ZNF331: variants seen among roughly 807,000 people sequenced by gnomAD.
ZNF331 encodes zinc finger protein 331, also known as C2H2-like zinc finger protein rearranged in thyroid adenomas.
In ZNF331, 2 loss-of-function variants were observed where a neutral mutation model predicts 7.0. That is an observed-to-expected ratio of 0.29 (90% CI 0.12 to 0.90). The LOEUF (loss-of-function observed/expected upper bound fraction) is 0.90. Among genes scored for constraint, ZNF331 ranks in the 40% least tolerant of loss-of-function variants. The pLI, the probability that ZNF331 is intolerant of heterozygous loss-of-function variation, is 0.58. For missense variants in ZNF331, 432 were observed against 587.7 expected, an observed-to-expected ratio of 0.74 and a Z score of 2.74; for synonymous variants, 196 against 205.4, an observed-to-expected ratio of 0.95 and a Z score of 0.39.
In ZNF331 at chr19:53,539,706, A is replaced by G. The variant is rs1464830288; in HGVS notation, c.-138+424A>G. On this transcript the variant is annotated intron_variant, in intron 2 of 5. Transcript: ENST00000449416. The surrounding 1 kb of genome is among the most constrained non-coding windows in gnomAD (Gnocchi z 6.1). Reference sequence around the variant, plus strand: ...TGTATGTGATTATCAGTGTTAGTGTATCTGTCCCCCACCACCACCACCCTA... The same window carrying G: ...TGTATGTGATTATCAGTGTTAGTGTGTCTGTCCCCCACCACCACCACCCTA... Among the ~76,000 whole-genome samples the G allele has an allele frequency of 1.3e-5, 2 of 152,188 alleles. No individual in the cohort carries two copies. Among genetic ancestry groups the G allele is most frequent in the Admixed American group, 6.6e-5 (1 of 15,264 alleles).
intron 5 of ZNF331, among the ~76,000 whole-genome samples, chr19:53,574,366 C>T (rs2090604584): frequency 6.6e-6 from 1 of 152,130 alleles, no homozygotes; most frequent in Admixed American, 6.6e-5. Context: ...AGGGAACAGG[C>T]ACACCCTGAG....
In ZNF331 at chr19:53,579,037, G is replaced by A. The variant is rs1247874074; in HGVS notation, c.*1085G>A. The A allele has an allele frequency of 5.4e-6, 1 of 185,220 alleles. No individual in the cohort carries two copies. Among genetic ancestry groups the A allele is most frequent in the Non-Finnish European group, 1.1e-5 (1 of 87,514 alleles). The allele number at this position is 185,220 out of a possible 1,614,324, so 11.5% of individuals were successfully genotyped here. On this transcript the variant is annotated 3_prime_UTR_variant, in exon 6 of 6. Transcript: ENST00000449416. ...CTGGTCTCAACTCCTGACCTCAGGT[G>A]ATCCACCCACCTTGCCCTCCCAAAG...
chr19:53,555,494 C>G (rs1213313893), intron 2 of ZNF331: 1 of 152,486 alleles, frequency 6.6e-6, no homozygotes, highest in Non-Finnish European at 1.5e-5. Flanking sequence ...CCAAGCGGTA[C>G]CTGCCTGAGA....
In ZNF331 at chr19:53,578,195, T is replaced by G; in HGVS notation, c.*243T>G. On this transcript the variant is annotated 3_prime_UTR_variant, in exon 6 of 6. Coordinates refer to ENST00000449416, the MANE Select transcript of ZNF331 (RefSeq NM_001079906.2). ...TCCACGCTGTATACGCCACCCACCC[T>G]GCTAGTGACTTAGTAGCCGTCTTGG... is the stretch of plus-strand genomic sequence containing the variant. 2.1e-6 allele frequency: 1 copy of G among 469,652 alleles called. No homozygotes were observed. 29.1% of individuals were successfully genotyped at this position (469,652 alleles called of 1,614,324 possible). A position where few individuals can be genotyped will look rare whatever the true frequency, so the allele number is the denominator to read the frequency against.
chr19:53,567,049 C>T lies in ZNF331; in HGVS notation c.-73-2255C>T, dbSNP rs1377117200. Among the ~76,000 whole-genome samples, 3 of 152,030 alleles carry T rather than the reference C, an allele frequency of 2.0e-5. No homozygotes were observed. The East Asian group carries it at 5.8e-4, about 29-fold the overall frequency. ...ATTTTACAAATGTTATTGTGTCATTCTGTTTTGGTAACCTAACTTTACTGA... is the reference window on the plus strand; with the variant it reads ...ATTTTACAAATGTTATTGTGTCATTTTGTTTTGGTAACCTAACTTTACTGA... On this transcript the variant is annotated intron_variant, in intron 3 of 5. Transcript: ENST00000449416.
intron 2 of ZNF331, among the ~76,000 whole-genome samples, chr19:53,552,892 T>C (rs2089105570): frequency 6.6e-6 from 1 of 152,200 alleles, no homozygotes; most frequent in South Asian, 2.1e-4. Flanking sequence ...CAGTCATACC[T>C]TATAGTATTA....
At chr19:53,503,238 G>C in the ZNF331 span, among the ~76,000 whole-genome samples, 1 of 151,824 alleles carries the variant, frequency 6.6e-6, no homozygotes, top group African/African-American at 2.4e-5. Context: ...GCGGGATCTC[G>C]GCTCGCTGCA....
intron 2 of ZNF331, among the ~76,000 whole-genome samples, chr19:53,530,037 C>G (rs937197880): frequency 6.6e-6 from 1 of 152,102 alleles, no homozygotes; most frequent in Non-Finnish European, 1.5e-5. Context: ...AGCATGGTAT[C>G]GACATCTGGC....
upstream of ZNF331, among the ~76,000 whole-genome samples, chr19:53,516,294 T>C (rs2086901879): frequency 6.6e-6 from 1 of 151,810 alleles, no homozygotes; most frequent in South Asian, 2.1e-4. Context: ...CTACTAAAAA[T>C]ACAAAAATTA....
the ZNF331 span, among the ~76,000 whole-genome samples, chr19:53,504,434 T>C: frequency 6.6e-6 from 1 of 151,986 alleles, no homozygotes; most frequent in Non-Finnish European, 1.5e-5. Context: ...GCCACTGTTT[T>C]ATTCTGTACC....
the ZNF331 span, among the ~76,000 whole-genome samples, chr19:53,509,347 A>G: frequency 6.6e-6 from 1 of 152,188 alleles, no homozygotes; most frequent in African/African-American, 2.4e-5. Context: ...CCCAGCCTCC[A>G]ACATAGCCTG....
rs901864343 is a variant in ZNF331 at position 53,558,702 on chromosome 19, C to T, written c.-74+2794C>T. ...AAGATGAGAGAGAGATTCTGCTTCC[C>T]GAGGCCTGCTTCTGAGGCTGAAAGT... On this transcript the variant is annotated intron_variant, in intron 3 of 5. Coordinates refer to ENST00000449416, the MANE Select transcript of ZNF331 (RefSeq NM_001079906.2). This position sits in a 1 kb window ranked among gnomAD's most constrained non-coding sequence, Gnocchi z 4.5. Among the ~76,000 whole-genome samples the T allele has an allele frequency of 7.2e-5, 11 of 151,902 alleles. No individual in the cohort carries two copies. In the South Asian group the frequency reaches 1.2e-3, roughly 17 times the overall value.
chr19:53,544,469 C>T (rs2088446224), intron 2 of ZNF331, among the ~76,000 whole-genome samples: 1 of 148,708 alleles, frequency 6.7e-6, no homozygotes, highest in Non-Finnish European at 1.5e-5. Context: ...GGCGTGAACC[C>T]AGGAGACAGA....
At chr19:53,504,604 C>CG in the ZNF331 span, among the ~76,000 whole-genome samples, 3 of 151,720 alleles carry the variant, frequency 2.0e-5, no homozygotes, top group East Asian at 1.9e-4. Context: ...TCGGAGTAGA[C>CG]GGGGGGAATG....
chr19:53,523,565 T>A (rs1225163161), intron 2 of ZNF331: 1 of 152,096 alleles, frequency 6.6e-6, no homozygotes, highest in African/African-American at 2.4e-5. Flanking sequence ...TCTTGAGTTG[T>A]GTGAGTTTCT....
rs1009392641 is a variant in ZNF331 at position 53,571,415 on chromosome 19, G to A, written c.10-189G>A. Among the ~76,000 whole-genome samples, 10 of 152,156 alleles carry A rather than the reference G, an allele frequency of 6.6e-5. No individual in the cohort carries two copies. Among genetic ancestry groups the A allele is most frequent in the African/African-American group, 2.4e-4 (10 of 41,452 alleles). ...AAGTCATTTTCTCTGCAGCGGTAGA[G>A]CTCTTCAGTGACATGCAGGCATTCT... is the stretch of plus-strand genomic sequence containing the variant. On this transcript the variant is annotated intron_variant, in intron 4 of 5. Transcript: ENST00000449416. The surrounding 1 kb of genome is among the most constrained non-coding windows in gnomAD (Gnocchi z 4.7).
chr19:53,547,484 C>T (rs955414163), intron 2 of ZNF331, among the ~76,000 whole-genome samples: 1 of 152,168 alleles, frequency 6.6e-6, no homozygotes, highest in Non-Finnish European at 1.5e-5. Flanking sequence ...AATGCTACTG[C>T]AGTGAACACG....
At chr19:53,525,114 A>G (rs2087243049) in intron 2 of ZNF331, among the ~76,000 whole-genome samples, 1 of 151,978 alleles carries the variant, frequency 6.6e-6, no homozygotes. Context: ...GTTCTGTTCC[A>G]TTGGTCTATA....
intron 5 of ZNF331, among the ~76,000 whole-genome samples, chr19:53,572,028 G>A (rs1368019905): frequency 2.0e-5 from 3 of 152,130 alleles, no homozygotes; most frequent in Admixed American, 6.5e-5. Flanking sequence ...TTTGTCCTGT[G>A]AGAGTATGTT....
Sources: gnomAD v4.1 joint callset for allele counts (sites outside exome capture counted in the v4.1 genomes callset) on GRCh38, gnomAD v4.1.1 for gene constraint, Gnocchi (gnomAD v3.1) non-coding constraint, MANE v1.5 for transcripts, NCBI Gene and HGNC (gene_info 2026-07-23, HGNC 2026-07-21) for gene names.